Variants in ANK3 observed in about 807,000 individuals in gnomAD.
ANK3 encodes ankyrin-3.
ANK3 carries 57 observed loss-of-function variants against 370.9 expected under a neutral mutation model. The ratio of observed to expected loss-of-function variants is 0.15; its 90% CI spans 0.12 to 0.19. The LOEUF is 0.19. Among genes scored for constraint, ANK3 ranks in the 10% least tolerant of loss-of-function variants. The probability of loss-of-function intolerance (pLI) is 1.00; values close to 1 mark genes in which losing one functional copy is unlikely to be tolerated. For synonymous variants in ANK3, 1,929 were observed against 1,946.3 expected (o/e 0.99, Z 0.23); for missense variants, 4,439 against 5,302.1 (o/e 0.84, Z 5.06).
At chr10:60,104,357 C>CAAAAAAAAAAA (rs747064489) in intron 28 of ANK3, among the ~76,000 whole-genome samples, 7 of 53,758 alleles carry the variant, frequency 1.3e-4, no homozygotes, top group Admixed American at 3.1e-4. Flanking sequence ...GACTCCATCT[C>CAAAAAAAAAAA]AAAAAAAAAA....
intron 2 of ANK3, among the ~76,000 whole-genome samples, chr10:60,464,531 C>T (rs1292351050): frequency 6.6e-6 from 1 of 152,078 alleles, no homozygotes; most frequent in Admixed American, 6.6e-5. Flanking sequence ...TAAACATTAC[C>T]TAACTAAAAG....
chr10:60,041,800 G>A (rs1444875817), intron 43 of ANK3, among the ~76,000 whole-genome samples: 1 of 152,152 alleles, frequency 6.6e-6, no homozygotes, highest in Non-Finnish European at 1.5e-5. Context: ...AAAATTACAG[G>A]CAGTGAAACT....
chr10:60,221,266 G>T (rs918081423), intron 8 of ANK3, among the ~76,000 whole-genome samples: 4 of 152,008 alleles, frequency 2.6e-5, no homozygotes, highest in African/African-American at 9.7e-5. Context: ...TTTTAGTAGA[G>T]ACTGAGTTTC....
At position 60,495,433 on chromosome 10, in the gene ANK3, C is replaced by T. The variant is rs115629525; in HGVS notation, c.96+119753G>A. ...CCATCAGTGCTTGGTAGACACATTA[C>T]AGTTTGAGAAGCACACTTCTAGAGT... On this transcript the variant is annotated intron_variant, in intron 2 of 43. Transcript: ENST00000373827. Among the ~76,000 whole-genome samples, 1,008 of 152,238 alleles carry T rather than the reference C, an allele frequency of 6.6e-3. 13 individuals are homozygous for T. The highest frequency in any genetic ancestry group is 0.023 in the African/African-American group (942 of 41,540).
At chr10:60,335,902 G>A (rs1262696041) in intron 1 of ANK3, among the ~76,000 whole-genome samples, 2 of 152,138 alleles carry the variant, frequency 1.3e-5, no homozygotes, top group South Asian at 4.1e-4. Flanking sequence ...CTACCTCTAG[G>A]TGGCAGAGAT....
intron 1 of ANK3, among the ~76,000 whole-genome samples, chr10:60,286,491 T>C (rs1228125266): frequency 1.3e-5 from 2 of 151,984 alleles, no homozygotes; most frequent in Non-Finnish European, 2.9e-5. Context: ...CACTGTGGAG[T>C]TGATGGATGT....
At chr10:60,705,913 C>A (rs1324769583) in intron 1 of ANK3, among the ~76,000 whole-genome samples, 1 of 151,362 alleles carries the variant, frequency 6.6e-6, no homozygotes, top group Non-Finnish European at 1.5e-5. Flanking sequence ...CCCTCGACCA[C>A]CCAGGCTCAG....
At chr10:60,532,907 G>A (rs1013366234) in intron 2 of ANK3, among the ~76,000 whole-genome samples, 1 of 152,094 alleles carries the variant, frequency 6.6e-6, no homozygotes, top group Non-Finnish European at 1.5e-5. Flanking sequence ...ATTCTAAGAG[G>A]AGTGGCTGAA....
Position 60,347,720 on chromosome 10 carries a change from T to C in ANK3, c.114+41705A>G, listed in dbSNP as rs561869141. Among the ~76,000 whole-genome samples, 10 of 152,282 alleles carry C rather than the reference T, an allele frequency of 6.6e-5. No individual in the cohort carries two copies. In the East Asian group the frequency reaches 1.4e-3, roughly 21 times the overall value. On this transcript the variant is annotated intron_variant, in intron 1 of 43. Transcript: ENST00000280772. ...ATCACTAGACCTATTCGTAATGATA[T>C]AAAGAGGTGTACCTTAAATCAATGG...
chr10:60,525,216 T>TA (rs924006364), intron 2 of ANK3, among the ~76,000 whole-genome samples: 3 of 152,030 alleles, frequency 2.0e-5, no homozygotes, highest in Admixed American at 1.3e-4. Flanking sequence ...CTATTATAAA[T>TA]ATAAACATCC....
At chr10:60,305,916 C>T (rs866800808) in intron 1 of ANK3, among the ~76,000 whole-genome samples, 9 of 152,120 alleles carry the variant, frequency 5.9e-5, no homozygotes, top group African/African-American at 9.7e-5. Context: ...TCGGATATGG[C>T]GTTAACATTT....
At position 60,395,602 on chromosome 10, in the gene ANK3, TTCTTTCTC is replaced by T. The variant is rs1416184885; in HGVS notation, c.97-115971_97-115964del. ...TTTCTTTCTTTCTTTCTTTCTTTCTTTCTTTCTCTCTTTCGTTCTCTCTCTCTCTCTCT... is the reference window on the plus strand; with the variant it reads ...TTTCTTTCTTTCTTTCTTTCTTTCTTTCTTTCGTTCTCTCTCTCTCTCTCT... On this transcript the variant is annotated intron_variant, in intron 2 of 43. Transcript: ENST00000373827. Among the ~76,000 whole-genome samples the T allele has an allele frequency of 5.1e-5, 6 of 116,994 alleles. No individual in the cohort carries two copies. The East Asian group carries it at 7.8e-4, about 15-fold the overall frequency. 76.8% of individuals were successfully genotyped at this position (116,994 alleles called of 152,430 possible).
In ANK3 at chr10:60,077,713, A is replaced by G. The variant is rs374695085; in HGVS notation, c.4433-1265T>C. 7.2e-5 allele frequency among the ~76,000 whole-genome samples: 11 copies of G among 152,348 alleles called. No homozygotes were observed. The East Asian group carries it at 9.6e-4, about 13-fold the overall frequency. ...CTATCATGGGGGACATCTAAAAACT[A>G]CATTCATATTTTTAACACCCCATAT... On this transcript the variant is annotated intron_variant, in intron 36 of 43. Transcript: ENST00000280772.
chr10:60,515,437 C>T (rs1234534630), intron 2 of ANK3, among the ~76,000 whole-genome samples: 2 of 152,118 alleles, frequency 1.3e-5, no homozygotes, highest in African/African-American at 4.8e-5. Context: ...CATGATTACA[C>T]AGGAACTTCT....
chr10:60,402,065 T>C (rs2063362421), intron 2 of ANK3, among the ~76,000 whole-genome samples: 1 of 152,238 alleles, frequency 6.6e-6, no homozygotes, highest in Non-Finnish European at 1.5e-5. Flanking sequence ...ATGCTATGTT[T>C]CATTTTACTT....
intron 1 of ANK3, among the ~76,000 whole-genome samples, chr10:60,665,943 C>A (rs946654847): frequency 6.6e-6 from 1 of 152,150 alleles, no homozygotes; most frequent in Non-Finnish European, 1.5e-5. Flanking sequence ...GAAATTAGAA[C>A]ATGTATGTGC....
At chr10:60,629,647 T>G (rs2078456024) in intron 1 of ANK3, among the ~76,000 whole-genome samples, 1 of 152,188 alleles carries the variant, frequency 6.6e-6, no homozygotes, top group Non-Finnish European at 1.5e-5. Flanking sequence ...TAACATTTAT[T>G]ACAAATGTTA....
chr10:60,123,783 T>C (rs1042191903), intron 25 of ANK3, among the ~76,000 whole-genome samples: 1 of 152,220 alleles, frequency 6.6e-6, no homozygotes, highest in Non-Finnish European at 1.5e-5. Flanking sequence ...AAATACAATT[T>C]AGTTTAGTAA....
chr10:60,302,376 G>A (rs185759747), intron 1 of ANK3, among the ~76,000 whole-genome samples: 143 of 152,000 alleles, frequency 9.4e-4, no homozygotes, highest in Middle Eastern at 3.4e-3. Context: ...AAAACCAAGC[G>A]TATACCAGCA....
Sources: allele counts gnomAD v4.1 joint callset (sites outside exome capture counted in the v4.1 genomes callset), GRCh38; gene constraint gnomAD v4.1.1; transcripts MANE v1.5; gene names NCBI Gene and HGNC (gene_info 2026-07-23, HGNC 2026-07-21).